The following AKT3 variants were observed in gnomAD, a reference collection of about 807,000 sequenced individuals.
The protein encoded by AKT3 is AKT serine/threonine kinase 3.
Under a neutral mutation model 65.3 loss-of-function variants are expected in AKT3, and 15 were observed. The observed-to-expected ratio is 0.23, with a 90% CI of 0.15 to 0.35. The LOEUF is 0.35. AKT3 is among the 10% of genes least tolerant of loss of function. The probability of loss-of-function intolerance (pLI) is 1.00; values close to 1 mark genes in which losing one functional copy is unlikely to be tolerated. For missense variants in AKT3, 243 were observed against 576.5 expected (o/e 0.42, Z 5.92); for synonymous variants, 206 against 183.8 (o/e 1.12, Z -0.98).
intron 13 of AKT3, among the ~76,000 whole-genome samples, chr1:243,489,803 T>C (rs1216900439): frequency 6.6e-6 from 1 of 152,128 alleles, no homozygotes; most frequent in African/African-American, 2.4e-5. Flanking sequence ...TAAGCCTGAC[T>C]CCACAGCCCA....
At chr1:243,609,001 C>T (rs186380469) in intron 8 of AKT3, among the ~76,000 whole-genome samples, 137 of 151,982 alleles carry the variant, frequency 9.0e-4, no homozygotes, top group Admixed American at 1.8e-3. Flanking sequence ...ATCTGCCCGC[C>T]TCAGCCTCCC....
chr1:243,760,691 T>C (rs964790599), intron 2 of AKT3, among the ~76,000 whole-genome samples: 2 of 152,160 alleles, frequency 1.3e-5, no homozygotes, highest in African/African-American at 4.8e-5. Flanking sequence ...ACAATGTCCT[T>C]TTCACAGTAT....
chr1:243,684,606 T>C, intron 3 of AKT3, among the ~76,000 whole-genome samples: 1 of 152,208 alleles, frequency 6.6e-6, no homozygotes, highest in Admixed American at 6.5e-5. Flanking sequence ...TGAATAGGGC[T>C]GCAATAAACA....
chr1:243,542,160 CAG>C (rs1020712452), intron 12 of AKT3, among the ~76,000 whole-genome samples: 16 of 152,148 alleles, frequency 1.1e-4, no homozygotes, highest in African/African-American at 3.6e-4. Context: ...AGCAGACTGA[CAG>C]AGTGTAAAAT....
At chr1:243,846,008 A>G (rs192453189) in intron 1 of AKT3, among the ~76,000 whole-genome samples, 1 of 152,358 alleles carries the variant, frequency 6.6e-6, no homozygotes, top group East Asian at 1.9e-4. Flanking sequence ...TAGCTCTTCC[A>G]GAGCTAATAT....
At chr1:243,646,061 C>A in intron 4 of AKT3, 24 bp from the exon 5 acceptor site, 1 of 1,561,640 alleles carries the variant, frequency 6.4e-7, no homozygotes, top group East Asian at 2.3e-5. Context: ...TAAAATTTCC[C>A]ATTAATAGAA....
At chr1:243,831,807 T>TC (rs990493855) in intron 2 of AKT3, among the ~76,000 whole-genome samples, 3 of 150,412 alleles carry the variant, frequency 2.0e-5, no homozygotes, top group South Asian at 2.1e-4. Flanking sequence ...TCTGAGCCCC[T>TC]CCCCCCCAAC....
chr1:243,656,109 G>GGT (rs1360432894), intron 4 of AKT3, among the ~76,000 whole-genome samples: 25 of 150,744 alleles, frequency 1.7e-4, no homozygotes, highest in African/African-American at 5.9e-4. Flanking sequence ...GTGGCGGGGG[G>GGT]GTGTGGGGGG....
intron 3 of AKT3, among the ~76,000 whole-genome samples, chr1:243,688,112 T>G (rs1422025571): frequency 6.6e-6 from 1 of 152,102 alleles, no homozygotes; most frequent in Non-Finnish European, 1.5e-5. Context: ...TATGTACATC[T>G]AATATGTATC....
intron 6 of AKT3, among the ~76,000 whole-genome samples, chr1:243,635,930 G>T (rs2147806219): frequency 6.6e-6 from 1 of 152,106 alleles, no homozygotes; most frequent in East Asian, 1.9e-4. Context: ...ACGATAAATA[G>T]ATTTGTTGGG....
At chr1:243,489,011 C>G in intron 13 of AKT3, 2 of 1,613,352 alleles carry the variant, frequency 1.2e-6, no homozygotes, top group Non-Finnish European at 1.7e-6. Flanking sequence ...GATTTTTCTC[C>G]AGGCTAAGGC....
At chr1:243,538,358 C>A (rs1672071821) in intron 12 of AKT3, among the ~76,000 whole-genome samples, 1 of 147,332 alleles carries the variant, frequency 6.8e-6, no homozygotes, top group Non-Finnish European at 1.5e-5. Context: ...TCAACAAATC[C>A]AAAAGAAGGC....
intron 4 of AKT3, among the ~76,000 whole-genome samples, chr1:243,656,793 T>C (rs1670754676): frequency 6.6e-6 from 1 of 152,214 alleles, no homozygotes; most frequent in African/African-American, 2.4e-5. Context: ...GTCGTGGCCA[T>C]GGTTGTGACA....
chr1:243,804,374 T>C (rs188209085), intron 2 of AKT3, among the ~76,000 whole-genome samples: 1 of 152,336 alleles, frequency 6.6e-6, no homozygotes, highest in Admixed American at 6.5e-5. Flanking sequence ...TAAATAAGGT[T>C]ATTCTAAATC....
intron 8 of AKT3, among the ~76,000 whole-genome samples, chr1:243,590,548 G>A (rs1676151943): frequency 6.6e-6 from 1 of 151,930 alleles, no homozygotes; most frequent in Non-Finnish European, 1.5e-5. Context: ...CAGAGATGAT[G>A]GAATTAATAG....
At chr1:243,499,590 A>G (rs142572046), downstream of AKT3, 789 of 677,058 alleles carry the variant, frequency 1.2e-3, 5 homozygotes, top group African/African-American at 0.013. Context: ...TTTGATGTGG[A>G]CAAGATGAGG....
chr1:243,596,078 C>T (rs988549479), intron 8 of AKT3, among the ~76,000 whole-genome samples: 2 of 152,114 alleles, frequency 1.3e-5, no homozygotes, highest in African/African-American at 4.8e-5. Context: ...TTTTCAGCTA[C>T]ATTATAATCT....
At chr1:243,838,917 A>G (rs932288714) in intron 2 of AKT3, among the ~76,000 whole-genome samples, 1 of 152,222 alleles carries the variant, frequency 6.6e-6, no homozygotes, top group African/African-American at 2.4e-5. Flanking sequence ...AAAAAGTAGA[A>G]TAAAGTAACA....
At chr1:243,645,805 G>T in intron 5 of AKT3, 88 bp downstream of exon 5, 1 of 1,308,050 alleles carries the variant, frequency 7.6e-7, no homozygotes, top group Non-Finnish European at 1.0e-6. Flanking sequence ...TAAGAAAACT[G>T]GCTGACATCT....
Sources: gnomAD v4.1 joint callset for allele counts (sites outside exome capture counted in the v4.1 genomes callset) on GRCh38, gnomAD v4.1.1 for gene constraint, MANE v1.5 for transcripts, NCBI Gene and HGNC (gene_info 2026-07-23, HGNC 2026-07-21) for gene names.